Variants in GPD1L observed in about 807,000 individuals in gnomAD.
GPD1L encodes glycerol-3-phosphate dehydrogenase 1 like.
In GPD1L, 17 loss-of-function variants were observed where a neutral mutation model predicts 32.9. The observed-to-expected ratio is 0.52, with a 90% CI of 0.35 to 0.78. The LOEUF (loss-of-function observed/expected upper bound fraction) is 0.78. GPD1L is among the 30% of genes least tolerant of loss of function. The probability of loss-of-function intolerance (pLI) is 0.01; values close to 1 mark genes in which losing one functional copy is unlikely to be tolerated. For synonymous variants in GPD1L, 187 were observed against 165.9 expected (o/e 1.13, Z -0.98); for missense variants, 361 against 447.8 (o/e 0.81, Z 1.75).
intron 1 of GPD1L, among the ~76,000 whole-genome samples, chr3:32,121,832 G>A (rs898380370): frequency 8.7e-5 from 13 of 149,706 alleles, no homozygotes; most frequent in Admixed American, 4.7e-4. Flanking sequence ...GTGCAGTGGT[G>A]TGATTTCAGC....
chr3:32,162,117 C>T (rs1046299096), intron 7 of GPD1L, among the ~76,000 whole-genome samples: 6 of 152,138 alleles, frequency 3.9e-5, no homozygotes, highest in East Asian at 1.9e-4. Context: ...GGGCAAGTCA[C>T]GTATTTAGCT....
intron 7 of GPD1L, 40 bp downstream of exon 7, chr3:32,159,714 A>G (rs1701051112): frequency 8.4e-7 from 1 of 1,185,562 alleles, no homozygotes; most frequent in South Asian, 1.2e-5. Context: ...ATAAATGTCC[A>G]TCATTCCTAT....
At chr3:32,134,491 T>A (rs1177255349) in intron 2 of GPD1L, among the ~76,000 whole-genome samples, 1 of 152,186 alleles carries the variant, frequency 6.6e-6, no homozygotes, top group Non-Finnish European at 1.5e-5. Context: ...TGAGAATGGT[T>A]TGTTTGTTTG....
chr3:32,139,620 G>A (rs1049245287), intron 3 of GPD1L, among the ~76,000 whole-genome samples: 1 of 152,192 alleles, frequency 6.6e-6, no homozygotes, highest in Non-Finnish European at 1.5e-5. Context: ...CTGTGCCAGA[G>A]CATTTACAGA....
At position 32,140,248 on chromosome 3, in the gene GPD1L, G is replaced by A; in HGVS notation, c.387G>A (p.Glu129=). The stretch of plus-strand genomic sequence containing the variant: ...TGTAGGGCATAGACGAGGGCCCCGA[G>A]GGGCTGAAGCTCATTTCTGACATCA... ...TLIKGIDEGP[E]GLKLISDIIR... is the part of the protein sequence containing the mutation. The change falls in exon 4 of 8, where the codon GAG becomes GAA. Residue 129 remains glutamate, a synonymous_variant. Coordinates refer to ENST00000282541, the MANE Select transcript of GPD1L (RefSeq NM_015141.4). 4 of 1,614,050 alleles carry A rather than the reference G, an allele frequency of 2.5e-6. No individual in the cohort carries two copies. Among genetic ancestry groups the A allele is most frequent in the Non-Finnish European group, 3.4e-6 (4 of 1,179,982 alleles).
rs1235154583 is a variant in GPD1L at position 32,166,251 on chromosome 3, G to A, written c.*341G>A. 3 of 342,282 alleles carry A rather than the reference G, an allele frequency of 8.8e-6. No homozygotes were observed. Among genetic ancestry groups the A allele is most frequent in the African/African-American group, 2.1e-5 (1 of 46,816 alleles). 21.2% of individuals were successfully genotyped at this position (342,282 alleles called of 1,614,324 possible). On this transcript the variant is annotated 3_prime_UTR_variant, in exon 8 of 8. Coordinates refer to ENST00000282541, the MANE Select transcript of GPD1L (RefSeq NM_015141.4). ...GGAACGATCTCAGCCAAATATTTTA[G>A]GTGTAATTCATATGTATTTGAGTGG...
At chr3:32,121,499 TTCTC>T (rs66480448) in intron 1 of GPD1L, among the ~76,000 whole-genome samples, 4,447 of 125,080 alleles carry the variant, frequency 0.036, 772 homozygotes, top group African/African-American at 0.064. Flanking sequence ...CTATATATAT[TTCTC>T]TCTATATATA....
rs557821944 is a variant in GPD1L at position 32,168,616 on chromosome 3, A to T, written c.*2706A>T. 2.6e-5 allele frequency: 4 copies of T among 152,792 alleles called. No individual in the cohort carries two copies. Among genetic ancestry groups the T allele is most frequent in the South Asian group, 4.1e-4 (2 of 4,834 alleles). 9.5% of individuals were successfully genotyped at this position (152,792 alleles called of 1,614,324 possible). A position where few individuals can be genotyped will look rare whatever the true frequency, so the allele number is the denominator to read the frequency against. On this transcript the variant is annotated 3_prime_UTR_variant, in exon 8 of 8. Transcript: ENST00000282541. ...GTTTTTCCACTGGTTCTTATCTGCT[A>T]GCCTTTTACATACATGTGTACTATA... is the stretch of plus-strand genomic sequence containing the variant.
rs1701154891 is a variant in GPD1L, at chr3:32,166,937, C to A, written c.*1027C>A. 6.6e-6 allele frequency: 1 copy of A among 151,910 alleles called. No individual in the cohort carries two copies. Among genetic ancestry groups the A allele is most frequent in the African/African-American group, 2.4e-5 (1 of 41,318 alleles). 9.4% of individuals were successfully genotyped at this position (151,910 alleles called of 1,614,324 possible). A position where few individuals can be genotyped will look rare whatever the true frequency, so the allele number is the denominator to read the frequency against. ...AGATCTATGCAGGCCATCCTCTCAA[C>A]AAGTGCCACTCCAAGGGCGGTCCTC... On this transcript the variant is annotated 3_prime_UTR_variant, in exon 8 of 8. Transcript: ENST00000282541.
chr3:32,113,820 T>C (rs534086869), intron 1 of GPD1L, among the ~76,000 whole-genome samples: 77 of 152,314 alleles, frequency 5.1e-4, no homozygotes, highest in African/African-American at 1.8e-3. Flanking sequence ...ATGGCTGTGG[T>C]TGGCTGGTGA....
chr3:32,159,701 C>A (rs1286547297), intron 7 of GPD1L, 27 bp downstream of exon 7: 2 of 1,276,540 alleles, frequency 1.6e-6, no homozygotes, highest in Non-Finnish European at 2.3e-6. Context: ...CCCATGAGAC[C>A]AGATAAATGT....
Position 32,166,339 on chromosome 3 carries a change from G to T in GPD1L, c.*429G>T. 1 of 242,656 alleles carries T rather than the reference G, an allele frequency of 4.1e-6. No homozygotes were observed. The highest frequency in any genetic ancestry group is 8.1e-6 in the Non-Finnish European group (1 of 122,744). The allele number at this position is 242,656 out of a possible 1,614,324, so 15.0% of individuals were successfully genotyped here. On this transcript the variant is annotated 3_prime_UTR_variant, in exon 8 of 8. Coordinates refer to ENST00000282541, the MANE Select transcript of GPD1L (RefSeq NM_015141.4). ...ACCAGCATTAACATGGTAGAGTGGAGGAGTGAGTGTGTTCAAAGATCAACA... is the reference window on the plus strand; with the variant it reads ...ACCAGCATTAACATGGTAGAGTGGATGAGTGAGTGTGTTCAAAGATCAACA...
At chr3:32,136,627 C>T (rs1214938899) in intron 2 of GPD1L, among the ~76,000 whole-genome samples, 1 of 152,156 alleles carries the variant, frequency 6.6e-6, no homozygotes, top group Non-Finnish European at 1.5e-5. Context: ...ACTCTTAGCA[C>T]AGGCATTAGT....
intron 1 of GPD1L, among the ~76,000 whole-genome samples, chr3:32,119,117 T>G (rs1575108278): frequency 6.6e-6 from 1 of 152,226 alleles, no homozygotes; most frequent in East Asian, 1.9e-4. Context: ...TTTCAATTCT[T>G]TGGGGTATAT....
chr3:32,164,678 C>G (rs192517575), intron 7 of GPD1L, among the ~76,000 whole-genome samples: 1 of 151,966 alleles, frequency 6.6e-6, no homozygotes, highest in East Asian at 1.9e-4. Context: ...CTACCTGACT[C>G]CAAAAAAATA....
intron 1 of GPD1L, among the ~76,000 whole-genome samples, chr3:32,108,919 T>G (rs558019590): frequency 6.6e-6 from 1 of 152,140 alleles, no homozygotes; most frequent in African/African-American, 2.4e-5. Flanking sequence ...GCGCGATCTC[T>G]GCTCACTGCA....
chr3:32,127,431 T>C (rs1385525024), intron 1 of GPD1L, among the ~76,000 whole-genome samples: 1 of 152,234 alleles, frequency 6.6e-6, no homozygotes, highest in African/African-American at 2.4e-5. Context: ...CCTGCACTGC[T>C]GTCGGGAGGA....
intron 5 of GPD1L, among the ~76,000 whole-genome samples, chr3:32,148,400 T>C (rs1700863520): frequency 6.6e-6 from 1 of 152,180 alleles, no homozygotes; most frequent in Non-Finnish European, 1.5e-5. Flanking sequence ...GCTACCTTGA[T>C]GGAAAGGGAT....
intron 1 of GPD1L, among the ~76,000 whole-genome samples, chr3:32,117,498 G>C (rs1003723591): frequency 2.6e-5 from 4 of 152,090 alleles, no homozygotes; most frequent in African/African-American, 9.7e-5. Flanking sequence ...GCATTGTTGA[G>C]ACTCTGGTGG....
Sources: gnomAD v4.1 joint callset for allele counts (sites outside exome capture counted in the v4.1 genomes callset) on GRCh38, gnomAD v4.1.1 for gene constraint, MANE v1.5 for transcripts, NCBI Gene and HGNC (gene_info 2026-07-23, HGNC 2026-07-21) for gene names.